RIMOC1: variants seen among roughly 807,000 people sequenced by gnomAD.
RIMOC1 encodes RAB7A interacting MON1-CCZ1 complex subunit 1, also known as RAB7A-interacting MON1-CCZ1 complex subunit 1.
chr5:41,909,534 G>A, the RIMOC1 span, among the ~76,000 whole-genome samples: 2 of 151,992 alleles, frequency 1.3e-5, no homozygotes, highest in African/African-American at 4.8e-5. Flanking sequence ...CATTAATTCA[G>A]CACTTTAGTG....
the RIMOC1 span, chr5:41,916,974 A>T: frequency 1.2e-3 from 1,812 of 1,489,680 alleles, 2 homozygotes; most frequent in Middle Eastern, 5.0e-3. Context: ...GTTTCTTTTT[A>T]AGCTTTTAAT....
the RIMOC1 span, chr5:41,904,356 C>T: frequency 3.7e-6 from 6 of 1,613,162 alleles, no homozygotes; most frequent in Non-Finnish European, 5.1e-6. Context: ...GGCGCACCCG[C>T]CGATTGTGGC....
chr5:41,906,535 A>G, the RIMOC1 span, among the ~76,000 whole-genome samples: 1 of 152,220 alleles, frequency 6.6e-6, no homozygotes, highest in Non-Finnish European at 1.5e-5. Context: ...AGAAGCACCT[A>G]AGGCATGTCA....
the RIMOC1 span, among the ~76,000 whole-genome samples, chr5:41,913,059 A>C: frequency 6.6e-6 from 1 of 152,280 alleles, no homozygotes. Context: ...TGCAGCATGC[A>C]TCTCTGTTTA....
the RIMOC1 span, among the ~76,000 whole-genome samples, chr5:41,908,812 G>T: frequency 2.6e-5 from 4 of 152,068 alleles, no homozygotes; most frequent in Non-Finnish European, 5.9e-5. Flanking sequence ...TCAATTTTAA[G>T]ATCCTCTTAA....
chr5:41,908,458 G>A, the RIMOC1 span: 1 of 152,014 alleles, frequency 6.6e-6, no homozygotes, highest in Non-Finnish European at 1.5e-5. Flanking sequence ...TTTTTGGATT[G>A]CTAAGGGATA....
the RIMOC1 span, chr5:41,907,884 G>A: frequency 8.0e-7 from 1 of 1,247,308 alleles, no homozygotes; most frequent in Non-Finnish European, 1.1e-6. Flanking sequence ...ATGAGGGCAG[G>A]TTGTTTATTT....
At chr5:41,912,224 C>A in the RIMOC1 span, 1 of 1,194,376 alleles carries the variant, frequency 8.4e-7, no homozygotes, top group Non-Finnish European at 1.2e-6. Flanking sequence ...TGTTTTAAAG[C>A]TTCTTAAGAT....
chr5:41,917,028 A>C, the RIMOC1 span: 1 of 1,589,084 alleles, frequency 6.3e-7, no homozygotes, highest in South Asian at 1.1e-5. Context: ...ATATTTAGTG[A>C]CATTCATCTG....
At chr5:41,917,191 A>T in the RIMOC1 span, 13 of 1,613,766 alleles carry the variant, frequency 8.1e-6, no homozygotes, top group Non-Finnish European at 1.1e-5. Flanking sequence ...TAGGAGAAAA[A>T]ATCTTGAAAA....
At chr5:41,915,688 T>A in the RIMOC1 span, among the ~76,000 whole-genome samples, 38 of 152,196 alleles carry the variant, frequency 2.5e-4, no homozygotes, top group Non-Finnish European at 4.9e-4. Context: ...TTGAGACTTA[T>A]TCATTACCAC....
At chr5:41,915,121 C>A in the RIMOC1 span, among the ~76,000 whole-genome samples, 1 of 152,096 alleles carries the variant, frequency 6.6e-6, no homozygotes, top group Non-Finnish European at 1.5e-5. Context: ...ATGCAGTAAG[C>A]CCTTGTATCT....
At chr5:41,916,455 A>G in the RIMOC1 span, 2 of 966,648 alleles carry the variant, frequency 2.1e-6, no homozygotes, top group Non-Finnish European at 1.2e-6. Context: ...CTGGTAATAC[A>G]AAGCATCTTG....
chr5:41,909,613 C>T, the RIMOC1 span: 1 of 511,756 alleles, frequency 2.0e-6, no homozygotes, highest in Non-Finnish European at 3.2e-6. Context: ...TTGCCTACTT[C>T]TCAAATTTAC....
the RIMOC1 span, chr5:41,916,287 C>G: frequency 8.1e-6 from 4 of 490,834 alleles, no homozygotes; most frequent in Non-Finnish European, 1.1e-5. Context: ...AATTTATACC[C>G]AGATCTTTTT....
At chr5:41,908,999 A>G in the RIMOC1 span, among the ~76,000 whole-genome samples, 2 of 152,128 alleles carry the variant, frequency 1.3e-5, no homozygotes, top group Non-Finnish European at 2.9e-5. Context: ...ACATATGTTA[A>G]TTAATTTTTT....
the RIMOC1 span, chr5:41,916,935 C>T: frequency 7.8e-7 from 1 of 1,280,658 alleles, no homozygotes; most frequent in Non-Finnish European, 1.1e-6. Flanking sequence ...ACAAAAGGAA[C>T]TTTAATTAGA....
the RIMOC1 span, among the ~76,000 whole-genome samples, chr5:41,905,031 C>A: frequency 2.0e-5 from 3 of 152,166 alleles, no homozygotes; most frequent in African/African-American, 7.2e-5. Flanking sequence ...TTGGAAAGGT[C>A]TAAGCTGTTA....
At chr5:41,920,009 A>G in the RIMOC1 span, 1 of 152,178 alleles carries the variant, frequency 6.6e-6, no homozygotes, top group East Asian at 1.9e-4. Context: ...AGTTGTTGCT[A>G]TTGGATTCCA....
Sources: allele counts gnomAD v4.1 joint callset (sites outside exome capture counted in the v4.1 genomes callset), GRCh38; gene constraint gnomAD v4.1.1; transcripts MANE v1.5; gene names NCBI Gene and HGNC (gene_info 2026-07-23, HGNC 2026-07-21).